The following MACROD2 variants were observed in gnomAD, a reference collection of about 807,000 sequenced individuals.
MACROD2 encodes mono-ADP ribosylhydrolase 2.
A neutral mutation model predicts 70.4 loss-of-function variants in MACROD2; 36 were observed. That is an observed-to-expected ratio of 0.51 (90% CI 0.39 to 0.68). The LOEUF is 0.68. Ranked by LOEUF, MACROD2 falls within the 30% of genes least tolerant of loss-of-function variation. The pLI is 0.00. For missense variants in MACROD2, 496 were observed against 538.4 expected (o/e 0.92, Z 0.78); for synonymous variants, 172 against 178.8 (o/e 0.96, Z 0.30).
intron 15 of MACROD2, among the ~76,000 whole-genome samples, chr20:16,033,853 G>C (rs758356499): frequency 2.6e-5 from 4 of 151,418 alleles, no homozygotes; most frequent in Admixed American, 2.0e-4. Context: ...ATCACAGTAG[G>C]GGGTGGGGTG....
chr20:14,014,614 G>A (rs796089805), intron 2 of MACROD2, among the ~76,000 whole-genome samples: 1 of 151,140 alleles, frequency 6.6e-6, no homozygotes, highest in Non-Finnish European at 1.5e-5. Flanking sequence ...CCTTAATATC[G>A]TTTTTGCTTC....
At chr20:16,039,750 A>G (rs1048946260) in intron 15 of MACROD2, among the ~76,000 whole-genome samples, 1 of 151,956 alleles carries the variant, frequency 6.6e-6, no homozygotes, top group Non-Finnish European at 1.5e-5. Context: ...AAGGTATTAT[A>G]TAGTGTTAAC....
intron 6 of MACROD2, among the ~76,000 whole-genome samples, chr20:15,427,007 T>C (rs1600396132): frequency 6.9e-6 from 1 of 145,714 alleles, no homozygotes; most frequent in East Asian, 1.9e-4. Context: ...TCTCTCCCTG[T>C]CTCTCTCTGT....
intron 5 of MACROD2, among the ~76,000 whole-genome samples, chr20:14,897,893 C>A (rs936770883): frequency 1.3e-5 from 2 of 152,060 alleles, no homozygotes; most frequent in Non-Finnish European, 2.9e-5. Context: ...GTGGCCAACA[C>A]CTCTCTTAAG....
chr20:15,653,250 A>G (rs2049673690), intron 8 of MACROD2, among the ~76,000 whole-genome samples: 1 of 152,222 alleles, frequency 6.6e-6, no homozygotes, highest in Admixed American at 6.5e-5. Context: ...TATGTCTTTT[A>G]TTCAATAAAT....
intron 8 of MACROD2, among the ~76,000 whole-genome samples, chr20:15,659,304 C>CTTTTTTTTTTT (rs11468344): frequency 1.5e-5 from 1 of 67,220 alleles, no homozygotes; most frequent in African/African-American, 6.1e-5. Context: ...GATAGCACAG[C>CTTTTTTTTTTT]TTTTTTTTTT....
intron 5 of MACROD2, among the ~76,000 whole-genome samples, chr20:14,743,456 A>G (rs1299983789): frequency 6.6e-6 from 1 of 152,178 alleles, no homozygotes; most frequent in Admixed American, 6.5e-5. Flanking sequence ...ACAGAGATAC[A>G]ACAGTGCTGG....
At chr20:14,405,467 T>A (rs1178989158) in intron 3 of MACROD2, among the ~76,000 whole-genome samples, 1 of 152,206 alleles carries the variant, frequency 6.6e-6, no homozygotes, top group East Asian at 1.9e-4. Context: ...AAAGAGGATT[T>A]AAGAATCTAC....
At chr20:15,454,443 A>T (rs2046691668) in intron 7 of MACROD2, among the ~76,000 whole-genome samples, 1 of 114,398 alleles carries the variant, frequency 8.7e-6, no homozygotes, top group Non-Finnish European at 2.1e-5. Flanking sequence ...ACACACACAC[A>T]CACACACACA....
chr20:14,036,396 A>G (rs1474211013), intron 2 of MACROD2, among the ~76,000 whole-genome samples: 1 of 152,210 alleles, frequency 6.6e-6, no homozygotes, highest in East Asian at 1.9e-4. Context: ...CTGGTTCAGT[A>G]GGTATTAATT....
At chr20:15,973,959 G>T (rs971668472) in intron 13 of MACROD2, among the ~76,000 whole-genome samples, 2 of 152,182 alleles carry the variant, frequency 1.3e-5, no homozygotes, top group Non-Finnish European at 2.9e-5. Context: ...TGTTGAAAAT[G>T]CAATGAGGAG....
chr20:14,349,941 G>A (rs769463783), intron 3 of MACROD2, among the ~76,000 whole-genome samples: 8 of 151,336 alleles, frequency 5.3e-5, no homozygotes, highest in Non-Finnish European at 1.2e-4. Context: ...TAGAGACGGG[G>A]TTTCACCATG....
At chr20:14,364,091 T>C (rs1031849749) in intron 3 of MACROD2, among the ~76,000 whole-genome samples, 1 of 152,140 alleles carries the variant, frequency 6.6e-6, no homozygotes, top group African/African-American at 2.4e-5. Context: ...GGTTTTCTAC[T>C]TTTAGAATTC....
chr20:14,678,196 T>C (rs915565080), intron 4 of MACROD2, among the ~76,000 whole-genome samples: 1 of 152,166 alleles, frequency 6.6e-6, no homozygotes, highest in Non-Finnish European at 1.5e-5. Flanking sequence ...CTGCAGACAA[T>C]GGAAGGTCAT....
chr20:14,168,312 T>C (rs1455045356), intron 3 of MACROD2, among the ~76,000 whole-genome samples: 8 of 152,200 alleles, frequency 5.3e-5, no homozygotes, highest in Admixed American at 4.6e-4. Flanking sequence ...AGATACCTTC[T>C]AAGTTGTTGC....
At chr20:15,119,220 G>A (rs2076013293) in intron 5 of MACROD2, among the ~76,000 whole-genome samples, 2 of 152,186 alleles carry the variant, frequency 1.3e-5, no homozygotes, top group East Asian at 1.9e-4. Context: ...TACTTCGTAA[G>A]TTTTGCCTAT....
intron 4 of MACROD2, among the ~76,000 whole-genome samples, chr20:14,657,337 T>C (rs1600506527): frequency 6.6e-6 from 1 of 152,352 alleles, no homozygotes; most frequent in East Asian, 1.9e-4. Context: ...TATTTGGTAC[T>C]TGTTACAGCC....
intron 3 of MACROD2, among the ~76,000 whole-genome samples, chr20:14,164,993 G>A (rs922384744): frequency 4.6e-5 from 7 of 152,168 alleles, no homozygotes; most frequent in Non-Finnish European, 8.8e-5. Flanking sequence ...GGGTGAGGTT[G>A]CTGCCAGTGG....
rs1568650814 is a variant in MACROD2 at position 15,933,307 on chromosome 20, G to A, written c.807G>A (p.Val269=). The A allele has an allele frequency of 2.5e-6, 4 of 1,613,210 alleles. No individual in the cohort carries two copies. The highest frequency in any genetic ancestry group is 1.3e-5 in the African/African-American group (1 of 74,874). The change falls in exon 11 of 18, where the codon GTG becomes GTA. Residue 269 remains valine (V), a synonymous_variant. Coordinates refer to ENST00000684519, the MANE Select transcript of MACROD2 (RefSeq NM_001351661.2). ...DENGPEEKQS[V]EEMEEQSQDA... ...ACGGTCCAGAGGAGAAGCAAAGTGT[G>A]GAAGAAATGGAAGAGCAGAGCCAAG... is the stretch of plus-strand genomic sequence containing the variant.
Sources: allele counts gnomAD v4.1 joint callset (sites outside exome capture counted in the v4.1 genomes callset), GRCh38; gene constraint gnomAD v4.1.1; transcripts MANE v1.5; gene names NCBI Gene and HGNC (gene_info 2026-07-23, HGNC 2026-07-21).